Variants in TMEFF2 observed in about 807,000 individuals in gnomAD.
TMEFF2 encodes transmembrane protein with EGF like and two follistatin like domains 2, also known as tomoregulin-2.
A neutral mutation model predicts 53.8 loss-of-function variants in TMEFF2; 28 were observed. The ratio of observed to expected loss-of-function variants is 0.52; its 90% CI spans 0.39 to 0.71. The LOEUF is 0.71. Among genes scored for constraint, TMEFF2 ranks in the 30% least tolerant of loss-of-function variants. TMEFF2 has a pLI of 0.00. For synonymous variants in TMEFF2, 162 were observed against 166.3 expected (o/e 0.97, Z 0.20); for missense variants, 353 against 455.2 (o/e 0.78, Z 2.04).
chr2:192,126,365 G>C (rs1689679390), intron 4 of TMEFF2, among the ~76,000 whole-genome samples: 1 of 152,090 alleles, frequency 6.6e-6, no homozygotes, highest in Admixed American at 6.5e-5. Context: ...CATCTGCCAA[G>C]TCTATATGAT....
intron 7 of TMEFF2, among the ~76,000 whole-genome samples, chr2:191,974,503 T>C (rs2105807752): frequency 6.6e-6 from 1 of 152,164 alleles, no homozygotes; most frequent in Admixed American, 6.5e-5. Flanking sequence ...TCACATTGAT[T>C]TGAGAATAGT....
intron 5 of TMEFF2, among the ~76,000 whole-genome samples, chr2:192,002,974 G>A (rs916065692): frequency 3.9e-5 from 6 of 152,164 alleles, no homozygotes; most frequent in Non-Finnish European, 7.3e-5. Flanking sequence ...TATATTCCAT[G>A]TATATATGTC....
At chr2:191,990,763 GGTGTGTGTGT>G (rs34545329) in intron 7 of TMEFF2, among the ~76,000 whole-genome samples, 16 of 134,628 alleles carry the variant, frequency 1.2e-4, no homozygotes, top group Admixed American at 8.8e-4. Flanking sequence ...CTCTTTGCGG[GGTGTGTGTGT>G]GTGTGTGTGT....
chr2:191,963,373 A>G (rs1692325902), intron 7 of TMEFF2, among the ~76,000 whole-genome samples: 1 of 152,166 alleles, frequency 6.6e-6, no homozygotes, highest in Admixed American at 6.5e-5. Flanking sequence ...TTCATTGGTG[A>G]CAATGCTGAA....
chr2:192,122,881 G>A (rs1209668734), intron 4 of TMEFF2, among the ~76,000 whole-genome samples: 2 of 151,890 alleles, frequency 1.3e-5, no homozygotes, highest in African/African-American at 2.4e-5. Flanking sequence ...TGTAAAGTGA[G>A]AATATAAAAA....
intron 4 of TMEFF2, among the ~76,000 whole-genome samples, chr2:192,069,503 A>C (rs1688237621): frequency 6.6e-6 from 1 of 151,794 alleles, no homozygotes; most frequent in South Asian, 2.1e-4. Flanking sequence ...CCCATCTTAC[A>C]CAAAATGAAA....
chr2:192,028,888 C>G (rs943373128), intron 5 of TMEFF2: 4 of 151,928 alleles, frequency 2.6e-5, no homozygotes, highest in African/African-American at 4.8e-5. Flanking sequence ...AAAATTTTAA[C>G]CTTTCTCTAC....
At chr2:192,070,785 C>T (rs1012872698) in intron 4 of TMEFF2, among the ~76,000 whole-genome samples, 4 of 151,738 alleles carry the variant, frequency 2.6e-5, no homozygotes, top group East Asian at 3.9e-4. Flanking sequence ...ATGGTTAAAC[C>T]GAAGTTGAGG....
intron 4 of TMEFF2, among the ~76,000 whole-genome samples, chr2:192,150,632 A>G (rs1246402829): frequency 6.6e-6 from 1 of 150,416 alleles, no homozygotes; most frequent in East Asian, 2.0e-4. Flanking sequence ...AGTGTCTCAT[A>G]CTTGAGGCAT....
chr2:192,046,355 C>T (rs1031997290), intron 5 of TMEFF2, among the ~76,000 whole-genome samples: 1 of 152,020 alleles, frequency 6.6e-6, no homozygotes, highest in African/African-American at 2.4e-5. Context: ...CGGAGCGAGA[C>T]ACTGTCTCAA....
At chr2:191,950,461 G>A (rs1691840370) in intron 9 of TMEFF2, 54 bp from the exon 10 acceptor site, 1 of 1,613,066 alleles carries the variant, frequency 6.2e-7, no homozygotes. Flanking sequence ...CCTAAAGTTT[G>A]GCCCTACAAT....
chr2:191,970,981 T>C (rs1207228496), intron 7 of TMEFF2, among the ~76,000 whole-genome samples: 1 of 152,222 alleles, frequency 6.6e-6, no homozygotes, highest in East Asian at 1.9e-4. Flanking sequence ...TGCATTTGCA[T>C]CCCCAAAATT....
chr2:192,013,415 A>G (rs1246853074), intron 5 of TMEFF2, among the ~76,000 whole-genome samples: 1 of 151,098 alleles, frequency 6.6e-6, no homozygotes, highest in African/African-American at 2.4e-5. Flanking sequence ...CCTATCTAAC[A>G]CAGCACCTAT....
chr2:192,031,925 A>G (rs1158586951), intron 5 of TMEFF2: 1 of 152,218 alleles, frequency 6.6e-6, no homozygotes, highest in East Asian at 1.9e-4. Context: ...CATTCAGATA[A>G]TATACTTACT....
intron 4 of TMEFF2, among the ~76,000 whole-genome samples, chr2:192,099,224 CATAGAA>C (rs1448925426): frequency 6.6e-6 from 1 of 152,002 alleles, no homozygotes; most frequent in Admixed American, 6.6e-5. Context: ...GTTCTTCTCA[CATAGAA>C]ATAGGAACTG....
intron 2 of TMEFF2, among the ~76,000 whole-genome samples, chr2:192,188,176 T>C (rs1293221612): frequency 6.6e-6 from 1 of 152,198 alleles, no homozygotes. Flanking sequence ...TGATTTATAT[T>C]TCCTTAAATG....
Position 192,039,875 on chromosome 2 carries a change from A to G in TMEFF2, c.536+17804T>C, listed in dbSNP as rs1242944037. Among the ~76,000 whole-genome samples the G allele has an allele frequency of 2.0e-5, 3 of 152,156 alleles. No individual in the cohort carries two copies. The East Asian group carries it at 5.8e-4, about 29-fold the overall frequency. The stretch of plus-strand genomic sequence containing the variant: ...GATAATTGAAAGGAGACTAAGGAAT[A>G]CAGTGGCCATGTATTCCTCATGTTT... On this transcript the variant is annotated intron_variant, in intron 5 of 9. Transcript: ENST00000272771.
At chr2:192,142,431 A>T (rs538486801) in intron 4 of TMEFF2, among the ~76,000 whole-genome samples, 5 of 152,132 alleles carry the variant, frequency 3.3e-5, no homozygotes, top group African/African-American at 1.2e-4. Context: ...TAAAAAAGTT[A>T]CACAAATTTC....
chr2:192,163,930 G>A (rs961170068), intron 4 of TMEFF2, among the ~76,000 whole-genome samples: 5 of 152,090 alleles, frequency 3.3e-5, no homozygotes, highest in African/African-American at 1.2e-4. Context: ...AAATAATGAG[G>A]ATAGACATGG....
Sources: allele counts gnomAD v4.1 joint callset (sites outside exome capture counted in the v4.1 genomes callset), GRCh38; gene constraint gnomAD v4.1.1; transcripts MANE v1.5; gene names NCBI Gene and HGNC (gene_info 2026-07-23, HGNC 2026-07-21).